Variants in EYA3 observed in about 807,000 individuals in gnomAD.
EYA3 encodes EYA transcriptional coactivator and phosphatase 3.
Under a neutral mutation model 80.0 loss-of-function variants are expected in EYA3, and 39 were observed. That is an observed-to-expected ratio of 0.49 (90% CI 0.38 to 0.64). The LOEUF is 0.64. Among genes scored for constraint, EYA3 ranks in the 30% least tolerant of loss-of-function variants. The pLI is 0.00. For missense variants in EYA3, 523 were observed against 676.1 expected (o/e 0.77, Z 2.51); for synonymous variants, 206 against 232.8 (o/e 0.88, Z 1.05).
At chr1:28,031,133 C>G (rs1643116563) in intron 6 of EYA3, among the ~76,000 whole-genome samples, 1 of 152,100 alleles carries the variant, frequency 6.6e-6, no homozygotes. Context: ...AGATAGCTAG[C>G]TAGTTTTGAA....
At chr1:28,069,485 G>C (rs1557641679) in intron 1 of EYA3, among the ~76,000 whole-genome samples, 1 of 150,486 alleles carries the variant, frequency 6.6e-6, no homozygotes, top group Non-Finnish European at 1.5e-5. Context: ...TTGAGCCCAG[G>C]AGTAATCTGG....
chr1:28,012,961 G>A (rs1408698725), intron 9 of EYA3, 150 bp downstream of exon 9: 17 of 759,344 alleles, frequency 2.2e-5, no homozygotes, highest in Admixed American at 2.6e-5. Flanking sequence ...ATGACTCACA[G>A]CCTGCTTCCA....
At chr1:28,069,473 C>T (rs1644944038) in intron 1 of EYA3, among the ~76,000 whole-genome samples, 1 of 150,836 alleles carries the variant, frequency 6.6e-6, no homozygotes, top group East Asian at 1.9e-4. Flanking sequence ...TAGGAGGATC[C>T]CTTGAGCCCA....
intron 1 of EYA3, among the ~76,000 whole-genome samples, chr1:28,071,017 G>C (rs1267527090): frequency 6.6e-6 from 1 of 152,122 alleles, no homozygotes; most frequent in South Asian, 2.1e-4. Flanking sequence ...CAGCCTCCCA[G>C]GTTCAAGCAA....
intron 1 of EYA3, among the ~76,000 whole-genome samples, chr1:28,084,556 A>AAAATAT (rs1645544380): frequency 1.2e-4 from 4 of 32,726 alleles, no homozygotes; most frequent in African/African-American, 4.6e-4. Context: ...ACTATTCCAA[A>AAAATAT]ATATATATAT....
intron 6 of EYA3, among the ~76,000 whole-genome samples, chr1:28,033,383 T>C (rs1643257822): frequency 6.6e-6 from 1 of 152,126 alleles, no homozygotes; most frequent in Admixed American, 6.5e-5. Flanking sequence ...ATCATTCACA[T>C]TACCCCAACC....
chr1:28,017,879 C>T (rs1642176507), intron 7 of EYA3, among the ~76,000 whole-genome samples: 1 of 152,014 alleles, frequency 6.6e-6, no homozygotes, highest in African/African-American at 2.4e-5. Context: ...AAAAATGTAC[C>T]TTATATGATA....
At chr1:27,985,750 T>G (rs987236842) in intron 16 of EYA3, among the ~76,000 whole-genome samples, 1 of 151,952 alleles carries the variant, frequency 6.6e-6, no homozygotes, top group Non-Finnish European at 1.5e-5. Flanking sequence ...CCCAGCTAGT[T>G]TTTGTATTTT....
At chr1:28,036,542 AC>A (rs1643464920) in intron 5 of EYA3, among the ~76,000 whole-genome samples, 2 of 152,284 alleles carry the variant, frequency 1.3e-5, no homozygotes, top group South Asian at 4.1e-4. Context: ...ACAAAACAGA[AC>A]CCAGGTAAGT....
intron 1 of EYA3, among the ~76,000 whole-genome samples, chr1:28,061,910 TTTG>T (rs974599028): frequency 2.3e-5 from 2 of 87,850 alleles, no homozygotes; most frequent in Admixed American, 2.1e-4. Context: ...ACGGTTTTTT[TTTG>T]TTTGTTTGTT....
rs1325695351 is a variant in EYA3 at position 28,048,412 on chromosome 1, C to T, written c.48G>A (p.Lys16=). Residue 16 remains lysine, a synonymous_variant, in exon 3 of 18, where the codon AAG becomes AAA. Coordinates refer to ENST00000373871, the MANE Select transcript of EYA3 (RefSeq NM_001990.4). The part of the protein sequence containing the change: ...DLPEQPVKKA[K]MQESGEQTIS... ...TAGTTTGCTCTCCTGATTCCTGCAT[C>T]TTGGCTTTTTTCACCTGCAAAAATA... The T allele has an allele frequency of 6.2e-7, 1 of 1,611,994 alleles. No individual in the cohort carries two copies. The highest frequency in any genetic ancestry group is 2.2e-5 in the East Asian group (1 of 44,782).
At chr1:28,033,640 G>GTATTATTATTAT (rs142552670) in intron 6 of EYA3, among the ~76,000 whole-genome samples, 4 of 141,048 alleles carry the variant, frequency 2.8e-5, no homozygotes, top group African/African-American at 1.0e-4. Context: ...CTTTTTTAAT[G>GTATTATTATTAT]TATTATTATT....
At chr1:28,078,665 C>A (rs1475764278) in intron 1 of EYA3, among the ~76,000 whole-genome samples, 1 of 152,168 alleles carries the variant, frequency 6.6e-6, no homozygotes, top group East Asian at 1.9e-4. Context: ...ATGCCTCAGC[C>A]TCCTGAGTAG....
intron 7 of EYA3, among the ~76,000 whole-genome samples, chr1:28,020,985 A>G (rs149571535): frequency 1.6e-4 from 25 of 152,284 alleles, no homozygotes; most frequent in Non-Finnish European, 3.4e-4. Flanking sequence ...TAAAACAGAC[A>G]ATATACAGAT....
At position 28,027,841 on chromosome 1, in the gene EYA3, T is replaced by A. The variant is rs1383099454; in HGVS notation, c.447A>T (p.Thr149=). The part of the protein sequence containing the change: ...PSQHSVLTCT[T]GLTTSQPSPA... ...GGCTTGGCTGGCTTGTGGTTAACCC[T>A]GTAGTGCAGGTAAGAACACTGTGTT... The change falls in exon 7 of 18, where the codon ACA becomes ACT. Residue 149 remains threonine, a synonymous_variant. Coordinates refer to ENST00000373871, the MANE Select transcript of EYA3 (RefSeq NM_001990.4). 1 of 1,614,074 alleles carries A rather than the reference T, an allele frequency of 6.2e-7. No homozygotes were observed. Among genetic ancestry groups the A allele is most frequent in the African/African-American group, 1.3e-5 (1 of 74,934 alleles).
intron 6 of EYA3, 142 bp downstream of exon 6, chr1:28,035,402 T>C (rs1571860171): frequency 2.6e-6 from 2 of 769,254 alleles, no homozygotes; most frequent in East Asian, 2.7e-5. Flanking sequence ...TTTTATTACA[T>C]GCATCAAACA....
At chr1:28,039,785 C>T (rs1224741600) in intron 4 of EYA3, among the ~76,000 whole-genome samples, 1 of 152,164 alleles carries the variant, frequency 6.6e-6, no homozygotes, top group Non-Finnish European at 1.5e-5. Flanking sequence ...TACAGAAGAG[C>T]TTGTCCAATG....
intron 1 of EYA3, among the ~76,000 whole-genome samples, chr1:28,063,356 T>TTG (rs1336167450): frequency 7.1e-6 from 1 of 141,304 alleles, no homozygotes; most frequent in African/African-American, 2.6e-5. Context: ...TAAAACCTTT[T>TTG]TTTTTTTTTT....
At chr1:27,999,004 A>G (rs1640644071) in intron 12 of EYA3, among the ~76,000 whole-genome samples, 1 of 152,150 alleles carries the variant, frequency 6.6e-6, no homozygotes, top group South Asian at 2.1e-4. Context: ...CCTGACCTCA[A>G]GTGATCTGCC....
Sources: gnomAD v4.1 joint callset for allele counts (sites outside exome capture counted in the v4.1 genomes callset) on GRCh38, gnomAD v4.1.1 for gene constraint, MANE v1.5 for transcripts, NCBI Gene and HGNC (gene_info 2026-07-23, HGNC 2026-07-21) for gene names.